Variants in BTBD9 observed in about 807,000 individuals in gnomAD.
BTBD9 encodes the protein BTB/POZ domain-containing protein 9.
Under a neutral mutation model 64.3 loss-of-function variants are expected in BTBD9, and 49 were observed. That is an observed-to-expected ratio of 0.76 (90% CI 0.61 to 0.97). The LOEUF is 0.97. BTBD9 is among the 50% of genes least tolerant of loss of function. The probability of loss-of-function intolerance (pLI) is 0.00; values close to 1 mark genes in which losing one functional copy is unlikely to be tolerated. For synonymous variants in BTBD9, 260 were observed against 274.7 expected, an observed-to-expected ratio of 0.95 and a Z score of 0.53; for missense variants, 598 against 762.1, an observed-to-expected ratio of 0.78 and a Z score of 2.53.
intron 1 of BTBD9, among the ~76,000 whole-genome samples, chr6:38,610,347 C>T (rs761439569): frequency 6.6e-5 from 10 of 152,082 alleles, no homozygotes; most frequent in Non-Finnish European, 1.2e-4. Flanking sequence ...GCAACCCATA[C>T]GCGCTGTGGA....
At chr6:38,379,075 T>C (rs967448696) in intron 6 of BTBD9, among the ~76,000 whole-genome samples, 1 of 152,086 alleles carries the variant, frequency 6.6e-6, no homozygotes, top group Non-Finnish European at 1.5e-5. Flanking sequence ...AGATATATGA[T>C]CACTCTACCC....
At chr6:38,344,355 C>T (rs890843632) in intron 7 of BTBD9, among the ~76,000 whole-genome samples, 15 of 152,144 alleles carry the variant, frequency 9.9e-5, no homozygotes, top group African/African-American at 1.4e-4. Context: ...AACAATTACA[C>T]TAAAATTTAA....
chr6:38,429,603 A>G (rs1322051902), intron 6 of BTBD9, among the ~76,000 whole-genome samples: 11 of 151,998 alleles, frequency 7.2e-5, no homozygotes, highest in Non-Finnish European at 1.5e-5. Context: ...TACTTGGCTA[A>G]AATCAAGTTA....
chr6:38,227,404 A>G (rs1421031989), intron 9 of BTBD9, among the ~76,000 whole-genome samples: 1 of 152,180 alleles, frequency 6.6e-6, no homozygotes, highest in Admixed American at 6.5e-5. Context: ...TTGAAGGCCT[A>G]AACAATGAAC....
At chr6:38,286,705 T>C (rs1761739650) in intron 8 of BTBD9, among the ~76,000 whole-genome samples, 1 of 152,312 alleles carries the variant, frequency 6.6e-6, no homozygotes, top group African/African-American at 2.4e-5. Flanking sequence ...GCATTTATGA[T>C]TGTCTCATAA....
intron 6 of BTBD9, among the ~76,000 whole-genome samples, chr6:38,480,277 C>A (rs1771077529): frequency 6.6e-6 from 1 of 152,172 alleles, no homozygotes; most frequent in African/African-American, 2.4e-5. Context: ...AATGCACTTC[C>A]TTTGCAGGGC....
At chr6:38,538,420 A>G (rs576391392) in intron 6 of BTBD9, among the ~76,000 whole-genome samples, 129 of 152,268 alleles carry the variant, frequency 8.5e-4, no homozygotes, top group Admixed American at 3.6e-3. Context: ...TAAAGTATTC[A>G]TTGTGATTTT....
At chr6:38,198,725 C>G (rs1762353850) in intron 9 of BTBD9, among the ~76,000 whole-genome samples, 2 of 152,228 alleles carry the variant, frequency 1.3e-5, no homozygotes, top group African/African-American at 2.4e-5. Context: ...ACACAGCAAA[C>G]TCAACACATG....
intron 1 of BTBD9, among the ~76,000 whole-genome samples, chr6:38,627,908 A>G (rs1366422354): frequency 1.3e-5 from 2 of 152,136 alleles, no homozygotes; most frequent in African/African-American, 2.4e-5. Flanking sequence ...AATAACTAGA[A>G]AATTTTAACT....
intron 7 of BTBD9, among the ~76,000 whole-genome samples, chr6:38,324,143 A>C (rs1414945137): frequency 1.3e-5 from 2 of 152,194 alleles, no homozygotes; most frequent in Non-Finnish European, 2.9e-5. Flanking sequence ...TTAGTTCAAA[A>C]AACGGATAAT....
rs185224696 is a variant in BTBD9, at chr6:38,171,143, T to A, written c.*3842A>T. 6.6e-6 allele frequency: 1 copy of A among 152,206 alleles called. No individual in the cohort carries two copies. The highest frequency in any genetic ancestry group is 1.9e-4 in the East Asian group (1 of 5,192). 9.4% of individuals were successfully genotyped at this position (152,206 alleles called of 1,614,324 possible). ...CTTTTTATTGTAGATTATACCTTCC[T>A]TTTCCCCCTTGGCTCTGGAAAGGAT... On this transcript the variant is annotated 3_prime_UTR_variant, in exon 11 of 11. Coordinates refer to ENST00000481247, the MANE Select transcript of BTBD9 (RefSeq NM_001099272.2).
chr6:38,218,919 TAGAA>T (rs752119723), intron 9 of BTBD9, among the ~76,000 whole-genome samples: 33 of 152,322 alleles, frequency 2.2e-4, no homozygotes, highest in Non-Finnish European at 3.8e-4. Context: ...GGGTGACTTT[TAGAA>T]AGACCATCTC....
chr6:38,502,712 A>G (rs1333463819), intron 6 of BTBD9, among the ~76,000 whole-genome samples: 1 of 152,236 alleles, frequency 6.6e-6, no homozygotes, highest in Non-Finnish European at 1.5e-5. Context: ...CACTGTGCCC[A>G]CAGAAATGAA....
In BTBD9 at chr6:38,468,764, A is replaced by G. The variant is rs183078014; in HGVS notation, c.1154+108836T>C. ...AGATACTCAAACATTTGGTGAATGAACCAATGAATGAATATCACAACCTTA... is the reference window on the plus strand; with the variant it reads ...AGATACTCAAACATTTGGTGAATGAGCCAATGAATGAATATCACAACCTTA... On this transcript the variant is annotated intron_variant, in intron 6 of 10. Transcript: ENST00000481247. Among the ~76,000 whole-genome samples, 505 of 152,324 alleles carry G rather than the reference A, an allele frequency of 3.3e-3. 3 individuals are homozygous for G. Among genetic ancestry groups the G allele is most frequent in the Non-Finnish European group, 5.1e-3 (350 of 68,026 alleles).
intron 1 of BTBD9, among the ~76,000 whole-genome samples, chr6:38,599,156 CA>C (rs1777162081): frequency 6.6e-6 from 1 of 152,078 alleles, no homozygotes; most frequent in Non-Finnish European, 1.5e-5. Flanking sequence ...CTTTTGTATA[CA>C]ATGCCTTTCT....
At chr6:38,514,518 C>T (rs200594293) in intron 6 of BTBD9, among the ~76,000 whole-genome samples, 1 of 142,478 alleles carries the variant, frequency 7.0e-6, no homozygotes, top group Admixed American at 7.1e-5. Flanking sequence ...TGAGAATGAA[C>T]ATGAACAAAG....
At chr6:38,485,563 T>C (rs1582509806) in intron 6 of BTBD9, among the ~76,000 whole-genome samples, 1 of 152,192 alleles carries the variant, frequency 6.6e-6, no homozygotes, top group Admixed American at 6.5e-5. Context: ...ACCAGGTACA[T>C]GGTCAATGAG....
chr6:38,493,471 T>A (rs1029944329), intron 6 of BTBD9, among the ~76,000 whole-genome samples: 1 of 152,272 alleles, frequency 6.6e-6, no homozygotes, highest in African/African-American at 2.4e-5. Context: ...ACTCATCTCC[T>A]ATTTGCCAGG....
chr6:38,538,136 C>T (rs1431054850), intron 6 of BTBD9, among the ~76,000 whole-genome samples: 1 of 152,198 alleles, frequency 6.6e-6, no homozygotes, highest in Non-Finnish European at 1.5e-5. Context: ...ATGTTAGAAT[C>T]CAAAACCACT....
Sources: gnomAD v4.1 joint callset for allele counts (sites outside exome capture counted in the v4.1 genomes callset) on GRCh38, gnomAD v4.1.1 for gene constraint, MANE v1.5 for transcripts, NCBI Gene and HGNC (gene_info 2026-07-23, HGNC 2026-07-21) for gene names.